Variants in RNGTT observed in about 807,000 individuals in gnomAD.
RNGTT encodes RNA guanylyltransferase and 5'-phosphatase.
A neutral mutation model predicts 79.3 loss-of-function variants in RNGTT; 33 were observed. The ratio of observed to expected loss-of-function variants is 0.42; its 90% CI spans 0.32 to 0.56. The LOEUF (loss-of-function observed/expected upper bound fraction) is 0.56. Among genes scored for constraint, RNGTT ranks in the 20% least tolerant of loss-of-function variants. RNGTT has a pLI of 0.17. For synonymous variants in RNGTT, 222 were observed against 235.9 expected, an observed-to-expected ratio of 0.94 and a Z score of 0.54; for missense variants, 497 against 739.1, an observed-to-expected ratio of 0.67 and a Z score of 3.80.
At chr6:88,751,307 T>C in intron 13 of RNGTT, among the ~76,000 whole-genome samples, 1 of 152,138 alleles carries the variant, frequency 6.6e-6, no homozygotes, top group East Asian at 1.9e-4. Context: ...TAAATGCTCA[T>C]GCAATTTTTA....
At position 88,955,015 on chromosome 6, in the gene RNGTT, A is replaced by C. The variant is rs553970393; in HGVS notation, c.64+8331T>G. Among the ~76,000 whole-genome samples the C allele has an allele frequency of 5.9e-5, 9 of 152,224 alleles. No individual in the cohort carries two copies. In the East Asian group the frequency reaches 1.7e-3, roughly 29 times the overall value. On this transcript the variant is annotated intron_variant, in intron 1 of 15. Coordinates refer to ENST00000369485, the MANE Select transcript of RNGTT (RefSeq NM_003800.5). ...AGAGGTTGCAATGAGCTGAGATCGT[A>C]CCATTGCATTCCAGCCTGGGTGACA... is the stretch of plus-strand genomic sequence containing the variant.
chr6:88,906,433 A>G lies in RNGTT; in HGVS notation c.375T>C (p.His125=), dbSNP rs1783656800. 3 of 1,585,726 alleles carry G rather than the reference A, an allele frequency of 1.9e-6. No individual in the cohort carries two copies. The highest frequency in any genetic ancestry group is 4.5e-5 in the East Asian group (2 of 44,444). ...CAGTGCGATTGAAGCCATGAGTACA[A>G]TGAACACCTAGAAAATAAAGTAGCT... is the stretch of plus-strand genomic sequence containing the variant. ...ERNPPELIGV[H]CTHGFNRTGF... Residue 125 remains histidine, a synonymous_variant, in exon 5 of 16, where the codon CAT becomes CAC. Coordinates refer to ENST00000369485, the MANE Select transcript of RNGTT (RefSeq NM_003800.5).
intron 11 of RNGTT, among the ~76,000 whole-genome samples, chr6:88,819,209 A>C (rs1300724449): frequency 1.3e-5 from 2 of 152,142 alleles, no homozygotes; most frequent in Non-Finnish European, 2.9e-5. Flanking sequence ...TGGTAGATAA[A>C]AGATAAAGTC....
chr6:88,862,742 C>T (rs1782053109), intron 8 of RNGTT, among the ~76,000 whole-genome samples: 1 of 152,166 alleles, frequency 6.6e-6, no homozygotes, highest in East Asian at 1.9e-4. Context: ...TCCTCAGTTT[C>T]ACATTAACAA....
At chr6:88,668,423 C>T (rs1438161092) in intron 14 of RNGTT, among the ~76,000 whole-genome samples, 4 of 152,162 alleles carry the variant, frequency 2.6e-5, no homozygotes, top group Non-Finnish European at 2.9e-5. Context: ...GGAAACTCAT[C>T]GTGGGACTCA....
At chr6:88,877,807 C>T (rs187850720) in intron 8 of RNGTT, among the ~76,000 whole-genome samples, 27 of 152,174 alleles carry the variant, frequency 1.8e-4, no homozygotes, top group Non-Finnish European at 1.5e-5. Flanking sequence ...AGTCTCACTT[C>T]CCCGTGATAA....
At chr6:88,864,000 T>A (rs955469996) in intron 8 of RNGTT, among the ~76,000 whole-genome samples, 1 of 152,142 alleles carries the variant, frequency 6.6e-6, no homozygotes, top group African/African-American at 2.4e-5. Flanking sequence ...GCAACTTGCT[T>A]ATTCTCCTCT....
chr6:88,616,833 G>A (rs1244730500), intron 14 of RNGTT, among the ~76,000 whole-genome samples: 1 of 152,182 alleles, frequency 6.6e-6, no homozygotes, highest in Admixed American at 6.5e-5. Context: ...CTCCCATTCT[G>A]TAGGCTGCCT....
chr6:88,687,677 G>A (rs571953033), intron 13 of RNGTT, among the ~76,000 whole-genome samples: 132 of 152,032 alleles, frequency 8.7e-4, no homozygotes, highest in Non-Finnish European at 1.4e-3. Context: ...AAAAGAAGGC[G>A]CAAGAGAGGA....
chr6:88,942,175 A>G (rs1008786822), intron 1 of RNGTT, among the ~76,000 whole-genome samples: 3 of 152,086 alleles, frequency 2.0e-5, no homozygotes, highest in African/African-American at 7.2e-5. Context: ...GCTTTATTCT[A>G]TATCTCAGGA....
At chr6:88,800,533 A>G (rs1186976605) in intron 12 of RNGTT, among the ~76,000 whole-genome samples, 4 of 152,202 alleles carry the variant, frequency 2.6e-5, no homozygotes, top group Non-Finnish European at 4.4e-5. Context: ...GTTGGTGAAG[A>G]AAAAAAGCAG....
intron 14 of RNGTT, among the ~76,000 whole-genome samples, chr6:88,647,387 GA>G (rs1196272026): frequency 6.6e-6 from 1 of 152,136 alleles, no homozygotes; most frequent in African/African-American, 2.4e-5. Flanking sequence ...CTTCAATGGG[GA>G]AAAGGGTGCA....
At chr6:88,708,368 A>G (rs1180522355) in intron 13 of RNGTT, among the ~76,000 whole-genome samples, 2 of 152,060 alleles carry the variant, frequency 1.3e-5, no homozygotes, top group Non-Finnish European at 2.9e-5. Context: ...CCCAAGAGTA[A>G]CAGCCCTACT....
At chr6:88,683,787 GGAGGATCACTT>G in intron 13 of RNGTT, among the ~76,000 whole-genome samples, 1 of 152,264 alleles carries the variant, frequency 6.6e-6, no homozygotes. Context: ...GGACAAGGTT[GGAGGATCACTT>G]GAGGCCAAGA....
Position 88,648,491 on chromosome 6 carries a change from TAATAAA to T in RNGTT, c.1506+29856_1506+29861del, listed in dbSNP as rs1470901899. Among the ~76,000 whole-genome samples, 303 of 148,440 alleles carry T rather than the reference TAATAAA, an allele frequency of 2.0e-3. 2 individuals carry two copies. The highest frequency in any genetic ancestry group is 6.9e-3 in the African/African-American group (276 of 40,036). On this transcript the variant is annotated intron_variant, in intron 14 of 15. Coordinates refer to ENST00000369485, the MANE Select transcript of RNGTT (RefSeq NM_003800.5). ...AGTATTATAATAATAATAATAATAA[TAATAAA>T]AAATTCTAACACCAATTTACCTCTT... is the stretch of plus-strand genomic sequence containing the variant.
At chr6:88,829,444 A>C (rs1780779119) in intron 11 of RNGTT, among the ~76,000 whole-genome samples, 1 of 152,214 alleles carries the variant, frequency 6.6e-6, no homozygotes, top group Non-Finnish European at 1.5e-5. Flanking sequence ...AAGACCATCG[A>C]CACTATGAAG....
chr6:88,619,186 G>C (rs1489103563), intron 14 of RNGTT, among the ~76,000 whole-genome samples: 2 of 150,072 alleles, frequency 1.3e-5, no homozygotes, highest in African/African-American at 4.9e-5. Context: ...TTTTTTCTGA[G>C]ACAAAGTCTC....
At chr6:88,751,819 A>G (rs547504590) in intron 13 of RNGTT, among the ~76,000 whole-genome samples, 3 of 152,092 alleles carry the variant, frequency 2.0e-5, no homozygotes, top group Non-Finnish European at 4.4e-5. Context: ...TTTTTTAAAC[A>G]GAGGTCATAG....
intron 10 of RNGTT, 112 bp from the exon 11 acceptor site, chr6:88,844,633 A>G (rs1480226029): frequency 1.0e-6 from 1 of 971,530 alleles, no homozygotes; most frequent in Admixed American, 2.5e-5. Flanking sequence ...CATCCTCTGG[A>G]GTTATTCAGT....
Sources: gnomAD v4.1 joint callset for allele counts (sites outside exome capture counted in the v4.1 genomes callset) on GRCh38, gnomAD v4.1.1 for gene constraint, MANE v1.5 for transcripts, NCBI Gene and HGNC (gene_info 2026-07-23, HGNC 2026-07-21) for gene names.